LYST: variants seen among roughly 807,000 people sequenced by gnomAD.
LYST encodes the protein lysosomal trafficking regulator.
In LYST, 192 loss-of-function variants were observed where a neutral mutation model predicts 413.6. That is an observed-to-expected ratio of 0.46 (90% CI 0.41 to 0.52). The LOEUF (loss-of-function observed/expected upper bound fraction) is 0.52, where lower values mean the gene tolerates loss of function less well. Ranked by LOEUF, LYST falls within the 20% of genes least tolerant of loss-of-function variation. The probability of loss-of-function intolerance (pLI) is 0.00; values close to 1 mark genes in which losing one functional copy is unlikely to be tolerated. For missense variants in LYST, 3,815 were observed against 4,499.9 expected (o/e 0.85, Z 4.35); for synonymous variants, 1,525 against 1,567.3 (o/e 0.97, Z 0.64).
intron 40 of LYST, 95 bp downstream of exon 40, chr1:235,720,566 T>G: frequency 8.4e-7 from 1 of 1,195,872 alleles, no homozygotes; most frequent in Middle Eastern, 1.9e-4. Flanking sequence ...TCTTCTATTT[T>G]GTGCATGTTT....
intron 1 of LYST, among the ~76,000 whole-genome samples, chr1:235,853,679 C>G (rs1004660839): frequency 6.6e-6 from 1 of 152,120 alleles, no homozygotes; most frequent in African/African-American, 2.4e-5. Context: ...CATGCCATTC[C>G]GGCTGCCTTG....
Position 235,791,788 on chromosome 1 carries a change from T to C in LYST, c.4454A>G (p.His1485Arg). The C allele has an allele frequency of 1.2e-6, 2 of 1,613,794 alleles. No individual in the cohort carries two copies. Among genetic ancestry groups the C allele is most frequent in the South Asian group, 1.1e-5 (1 of 91,084 alleles). The stretch of plus-strand genomic sequence containing the variant: ...TTTTTCTGTAGTACTCTCAGCTTCA[T>C]GGATACACTCCACATTAAACCACAG... Reference protein sequence around the residue: ...VSLWFNVECIHEAESTTEKGK... With the variant: ...VSLWFNVECIREAESTTEKGK... Residue 1485 changes from histidine to arginine, a missense_variant, in exon 12 of 53, where the codon CAT becomes CGT. This residue lies in a region of LYST where 1,648 missense variants were observed against 1,810.3 expected (regional missense o/e 0.91). Coordinates refer to ENST00000389793, the MANE Select transcript of LYST (RefSeq NM_000081.4).
intron 45 of LYST, among the ~76,000 whole-genome samples, chr1:235,699,536 C>T (rs1661381154): frequency 6.6e-6 from 1 of 152,172 alleles, no homozygotes; most frequent in Non-Finnish European, 1.5e-5. Context: ...CTGCAATAAA[C>T]ATACGAGTGC....
chr1:235,876,855 G>A (rs929299703), intron 1 of LYST, among the ~76,000 whole-genome samples: 11 of 152,212 alleles, frequency 7.2e-5, no homozygotes, highest in Non-Finnish European at 1.6e-4. Context: ...CTAGAATTTA[G>A]ATGGTACGAG....
At chr1:235,846,607 C>T (rs1372810864) in intron 1 of LYST, among the ~76,000 whole-genome samples, 1 of 151,402 alleles carries the variant, frequency 6.6e-6, no homozygotes, top group Non-Finnish European at 1.5e-5. Flanking sequence ...AAGCCCAGTG[C>T]AAGGAAATCC....
chr1:235,828,148 G>A, intron 3 of LYST: 2 of 965,602 alleles, frequency 2.1e-6, no homozygotes, highest in African/African-American at 3.5e-5. Context: ...TATTGCTGCT[G>A]TTATGACATG....
intron 6 of LYST, 117 bp from the exon 7 acceptor site, chr1:235,804,782 G>T: frequency 1.5e-6 from 1 of 660,804 alleles, no homozygotes; most frequent in Non-Finnish European, 2.6e-6. Context: ...ATTTGCAGTT[G>T]ATATGAAAGC....
chr1:235,733,816 A>C lies in LYST; in HGVS notation c.8612+14T>G. 6.4e-7 allele frequency: 1 copy of C among 1,569,994 alleles called. No homozygotes were observed. The highest frequency in any genetic ancestry group is 8.8e-7 in the Non-Finnish European group (1 of 1,139,966). On this transcript the variant is annotated intron_variant, in intron 33 of 52. Transcript: ENST00000389793. ...TTCCTAAAATACATGCCTTTGGAAC[A>C]TATAAAATCTTACCTTTGTTGATTA...
chr1:235,767,491 T>C (rs898600784), intron 20 of LYST, among the ~76,000 whole-genome samples: 1 of 152,106 alleles, frequency 6.6e-6, no homozygotes, highest in South Asian at 2.1e-4. Flanking sequence ...GCTACAACCA[T>C]CTGCATTTCT....
chr1:235,668,203 C>CATATATAT (rs58347376), intron 50 of LYST, among the ~76,000 whole-genome samples: 2 of 150,978 alleles, frequency 1.3e-5, no homozygotes, highest in African/African-American at 4.9e-5. Context: ...CATACATAGA[C>CATATATAT]ATATATATAT....
chr1:235,808,654 C>T lies in LYST; in HGVS notation c.2164G>A (p.Gly722Ser). ...AATTTCCACTGAACAACTATATTGC[C>T]TTTCTGGATTAAATTGCAAATGTGA... ...ANHICNLIQKGNIVVQWKLYN... is the reference protein window; with the variant it reads ...ANHICNLIQKSNIVVQWKLYN... The change falls in exon 5 of 53, where the codon GGC (glycine) becomes AGC (serine). Residue 722 changes from glycine (G) to serine (S), a missense_variant. Gly to Ser is a moderately conservative substitution (Grantham distance 56). Coordinates refer to ENST00000389793, the MANE Select transcript of LYST (RefSeq NM_000081.4). The T allele has an allele frequency of 6.2e-7, 1 of 1,613,250 alleles. No individual in the cohort carries two copies. The highest frequency in any genetic ancestry group is 8.5e-7 in the Non-Finnish European group (1 of 1,179,318).
intron 38 of LYST, among the ~76,000 whole-genome samples, chr1:235,725,222 TCAGGAGTTCAAGACCAG>T (rs1663754047): frequency 6.6e-6 from 1 of 151,988 alleles, no homozygotes; most frequent in Non-Finnish European, 1.5e-5. Flanking sequence ...TCACTTGAGG[TCAGGAGTTCAAGACCAG>T]CTTGGCCAAC....
At chr1:235,789,657 T>C (rs1292399864) in intron 12 of LYST, among the ~76,000 whole-genome samples, 1 of 152,184 alleles carries the variant, frequency 6.6e-6, no homozygotes, top group Non-Finnish European at 1.5e-5. Flanking sequence ...GGTAAAACCA[T>C]GACCGATGTT....
chr1:235,878,247 G>A (rs1472713638), intron 1 of LYST, among the ~76,000 whole-genome samples: 2 of 152,212 alleles, frequency 1.3e-5, no homozygotes, highest in African/African-American at 2.4e-5. Flanking sequence ...CAGGCCAGGA[G>A]GCAGTCTTGG....
At chr1:235,685,739 A>G (rs1480047641) in intron 48 of LYST, among the ~76,000 whole-genome samples, 1 of 151,614 alleles carries the variant, frequency 6.6e-6, no homozygotes, top group Non-Finnish European at 1.5e-5. Context: ...CCAACTACTC[A>G]GGAGGCTGAG....
At chr1:235,725,410 A>G (rs545451878) in intron 38 of LYST, among the ~76,000 whole-genome samples, 3 of 152,238 alleles carry the variant, frequency 2.0e-5, no homozygotes, top group Admixed American at 2.0e-4. Context: ...CTCCAGCCTC[A>G]GTGACAGAGT....
At chr1:235,849,999 C>A (rs1381413553) in intron 1 of LYST, among the ~76,000 whole-genome samples, 1 of 151,928 alleles carries the variant, frequency 6.6e-6, no homozygotes, top group Non-Finnish European at 1.5e-5. Flanking sequence ...ATACCACTAT[C>A]ATTCTTCACA....
rs777580667 is a variant in LYST, at chr1:235,801,018, C to T, written c.3792G>A (p.Gly1264=). The T allele has an allele frequency of 5.6e-6, 9 of 1,613,554 alleles. No homozygotes were observed. Among genetic ancestry groups the T allele is most frequent in the Admixed American group, 3.3e-5 (2 of 59,990 alleles). ...PNDLLENLTQ[G]EIIYPEICML... ...TACAAATCTCAGGATAAATTATTTCCCCTTGAGTGAGGTTTTCGAGTAAGT... is the reference window on the plus strand; with the variant it reads ...TACAAATCTCAGGATAAATTATTTCTCCTTGAGTGAGGTTTTCGAGTAAGT... Residue 1264 remains glycine (G), a synonymous_variant, in exon 9 of 53, where the codon GGG becomes GGA. Coordinates refer to ENST00000389793, the MANE Select transcript of LYST (RefSeq NM_000081.4).
At chr1:235,877,158 C>T (rs1681173068) in intron 1 of LYST, among the ~76,000 whole-genome samples, 1 of 152,200 alleles carries the variant, frequency 6.6e-6, no homozygotes, top group South Asian at 2.1e-4. Flanking sequence ...CACTGACATG[C>T]TATCCATATA....
Sources: gnomAD v4.1 joint callset for allele counts (sites outside exome capture counted in the v4.1 genomes callset) on GRCh38, gnomAD v4.1.1 for gene constraint, gnomAD v4.1.1 regional missense constraint, MANE v1.5 for transcripts, NCBI Gene and HGNC (gene_info 2026-07-23, HGNC 2026-07-21) for gene names.